MRPL27: variants seen among roughly 807,000 people sequenced by gnomAD.
MRPL27 encodes large ribosomal subunit protein bL27m.
MRPL27 carries 4 observed loss-of-function variants against 14.6 expected under a neutral mutation model. The ratio of observed to expected loss-of-function variants is 0.27; its 90% confidence interval spans 0.14 to 0.63. MRPL27 has a LOEUF of 0.63. MRPL27 is among the 20% of genes least tolerant of loss of function. MRPL27 has a pLI of 0.85. For synonymous variants in MRPL27, 82 were observed against 75.5 expected (o/e 1.09, Z -0.45); for missense variants, 196 against 192.8 (o/e 1.02, Z -0.10).
chr17:50,370,024 C>T lies in MRPL27; in HGVS notation c.240+8G>A. On this transcript the variant is annotated splice_region_variant and intron_variant, in intron 3 of 3. Coordinates refer to ENST00000225969, the MANE Select transcript of MRPL27 (RefSeq NM_016504.3). The stretch of plus-strand genomic sequence containing the variant: ...AGGAAAAAGGGGGGCAGCAACGGAG[C>T]AACTCACATGGGCACCTGGGTGCCA... The T allele has an allele frequency of 3.7e-6, 6 of 1,613,886 alleles. No individual in the cohort carries two copies. The highest frequency in any genetic ancestry group is 5.1e-6 in the Non-Finnish European group (6 of 1,179,902).
Position 50,368,228 on chromosome 17 carries a change from T to C in MRPL27, c.311A>G (p.Tyr104Cys), listed in dbSNP as rs368243211. The change falls in exon 4 of 4, where the codon TAC (tyrosine) becomes TGC (cysteine). Residue 104 changes from tyrosine (Y) to cysteine (C), a missense_variant. By Grantham distance (194) the Tyr-to-Cys change is radical. Transcript: ENST00000225969. ...EGIVRYTKEV[Y>C]VPHPRNTEAV... Reference sequence around the variant, plus strand: ...CTCCGTGTTTCTGGGATGAGGCACGTAGACCTCCTTAGTGTAGCGGACTAT... The same window carrying C: ...CTCCGTGTTTCTGGGATGAGGCACGCAGACCTCCTTAGTGTAGCGGACTAT... The C allele has an allele frequency of 8.1e-6, 13 of 1,614,226 alleles. No individual in the cohort carries two copies. The highest frequency in any genetic ancestry group is 5.3e-5 in the African/African-American group (4 of 75,056).
At chr17:50,370,790 T>A in intron 1 of MRPL27, 3 of 576,174 alleles carry the variant, frequency 5.2e-6, no homozygotes, top group Admixed American at 3.1e-5. Context: ...GGGGGAGCAG[T>A]GAAACACAAA....
At chr17:50,372,295 G>C (rs1485678631) in intron 1 of MRPL27, among the ~76,000 whole-genome samples, 2 of 151,744 alleles carry the variant, frequency 1.3e-5, no homozygotes, top group East Asian at 1.9e-4. Flanking sequence ...ACCCAGGCTG[G>C]AGTGCAGTGG....
chr17:50,368,371 T>G (rs1051875397), intron 3 of MRPL27, 73 bp from the exon 4 acceptor site: 1 of 1,486,606 alleles, frequency 6.7e-7, no homozygotes, highest in Non-Finnish European at 9.2e-7. Flanking sequence ...TGGGACAGAC[T>G]TCTCACACAG....
chr17:50,368,096 A>T lies in MRPL27; in HGVS notation c.443T>A (p.Leu148His), dbSNP rs910411027. Residue 148 changes from leucine (L) to histidine (H), a missense_variant, in exon 4 of 4, where the codon CTT becomes CAT. Transcript: ENST00000225969. ...PEGTFKLVAM[L>H] is the part of the protein sequence containing the mutation. ...TCCGATGGCCTCAACAGGACATCAAAGCATAGCTACCAGTTTGAAGGTGCC... is the reference window on the plus strand; with the variant it reads ...TCCGATGGCCTCAACAGGACATCAATGCATAGCTACCAGTTTGAAGGTGCC... 6.2e-7 allele frequency: 1 copy of T among 1,614,066 alleles called. No individual in the cohort carries two copies. Among genetic ancestry groups the T allele is most frequent in the Non-Finnish European group, 8.5e-7 (1 of 1,180,020 alleles).
chr17:50,370,856 C>CCT, intron 1 of MRPL27: 1 of 382,798 alleles, frequency 2.6e-6, no homozygotes, highest in Non-Finnish European at 4.9e-6. Context: ...TCTAAATGTG[C>CCT]TGAGGAGAAA....
rs551005301 is a variant in MRPL27 at position 50,370,035 on chromosome 17, G to A, written c.237C>T (p.Ala79=). The change falls in exon 3 of 4, where the codon GCC becomes GCT. Residue 79 remains alanine, a synonymous_variant. Coordinates refer to ENST00000225969, the MANE Select transcript of MRPL27 (RefSeq NM_016504.3). ...GGGCAGCAACGGAGCAACTCACATG[G>A]GCACCTGGGTGCCAGCGGAAATGGC... is the stretch of plus-strand genomic sequence containing the variant. ...TQRHFRWHPG[A]HVGVGKNKCL... 7 of 1,613,788 alleles carry A rather than the reference G, an allele frequency of 4.3e-6. No individual in the cohort carries two copies. The East Asian group carries it at 1.6e-4, about 36-fold the overall frequency.
At position 50,373,171 on chromosome 17, in the gene MRPL27, G is replaced by T. The variant is rs148670613; in HGVS notation, c.-1C>A. 4.3e-6 allele frequency: 7 copies of T among 1,610,290 alleles called. No individual in the cohort carries two copies. Among genetic ancestry groups the T allele is most frequent in the Non-Finnish European group, 5.9e-6 (7 of 1,177,420 alleles). ...TCAGCGCCAACACCACCGACGCCATGCTTTCGATCACTCACTTCCGGTCTC... is the reference window on the plus strand; with the variant it reads ...TCAGCGCCAACACCACCGACGCCATTCTTTCGATCACTCACTTCCGGTCTC... On this transcript the variant is annotated 5_prime_UTR_variant, in exon 1 of 4. Transcript: ENST00000225969.
intron 3 of MRPL27, chr17:50,368,932 AT>A: frequency 2.9e-6 from 2 of 687,746 alleles, no homozygotes; most frequent in South Asian, 1.6e-5. Context: ...TTTTAACCAT[AT>A]TTTTTAGCTT....
chr17:50,368,668 T>G, intron 3 of MRPL27: 1 of 596,816 alleles, frequency 1.7e-6, no homozygotes, highest in Non-Finnish European at 3.0e-6. Flanking sequence ...ATTAAAACAC[T>G]AGTTTGATGT....
In MRPL27 at chr17:50,373,125, CA is replaced by C; in HGVS notation, c.40+5del. 6.2e-7 allele frequency: 1 copy of C among 1,614,162 alleles called. No homozygotes were observed. The highest frequency in any genetic ancestry group is 8.5e-7 in the Non-Finnish European group (1 of 1,180,036). ...TCACCCCGCTCTGACTACTGCGTCCCATTACCGGCTGTCCGGGTCCTCAGCG... is the reference window on the plus strand; with the variant it reads ...TCACCCCGCTCTGACTACTGCGTCCCTTACCGGCTGTCCGGGTCCTCAGCG... On this transcript the variant is annotated splice_donor_5th_base_variant and intron_variant, in intron 1 of 3. Coordinates refer to ENST00000225969, the MANE Select transcript of MRPL27 (RefSeq NM_016504.3).
intron 1 of MRPL27, among the ~76,000 whole-genome samples, chr17:50,372,275 C>A (rs1241415456): frequency 2.0e-5 from 3 of 151,858 alleles, no homozygotes; most frequent in African/African-American, 7.3e-5. Flanking sequence ...GGATAGGGCC[C>A]CATTCTGTCA....
chr17:50,370,925 G>A (rs971278504), intron 1 of MRPL27: 2 of 244,948 alleles, frequency 8.2e-6, no homozygotes, highest in African/African-American at 2.3e-5. Context: ...CCACGGAGGG[G>A]CCAGAACAGA....
intron 1 of MRPL27, 145 bp downstream of exon 1, chr17:50,372,986 A>T (rs1005971661): frequency 5.2e-6 from 6 of 1,144,928 alleles, no homozygotes; most frequent in Non-Finnish European, 7.5e-6. Context: ...GACCAGCGAC[A>T]CCGTCCCTCA....
intron 3 of MRPL27, 101 bp downstream of exon 3, chr17:50,369,931 T>G: frequency 7.8e-7 from 1 of 1,289,868 alleles, no homozygotes; most frequent in Non-Finnish European, 1.1e-6. Flanking sequence ...TGCTTGCCAT[T>G]TGGTAAGCAC....
chr17:50,373,133 G>T lies in MRPL27; in HGVS notation c.38C>A (p.Ala13Asp). ...SVVLALRTRT[A>D]VTSLLSPTPA... ...CTCTGACTACTGCGTCCCATTACCG[G>T]CTGTCCGGGTCCTCAGCGCCAACAC... The change falls in exon 1 of 4, where the codon GCC (alanine) becomes GAC (aspartate). Residue 13 changes from alanine (A) to aspartate (D), a missense_variant and splice_region_variant. Physicochemically the swap from Ala to Asp is moderately radical, Grantham distance 126 (BLOSUM62 -2). Coordinates refer to ENST00000225969, the MANE Select transcript of MRPL27 (RefSeq NM_016504.3). The T allele has an allele frequency of 6.2e-7, 1 of 1,614,090 alleles. No homozygotes were observed. The highest frequency in any genetic ancestry group is 8.5e-7 in the Non-Finnish European group (1 of 1,180,008).
rs1024694204 is a variant in MRPL27, at chr17:50,368,574, T to A, written c.241-276A>T. 1.3e-5 allele frequency: 8 copies of A among 594,156 alleles called. No homozygotes were observed. The East Asian group carries it at 1.9e-4, about 14-fold the overall frequency. 36.8% of individuals were successfully genotyped at this position (594,156 alleles called of 1,614,324 possible). On this transcript the variant is annotated intron_variant, in intron 3 of 3. Transcript: ENST00000225969. ...CCTGGAGCCATGTCTATGCAGCTGG[T>A]CAGAAGCCACACTGCACAAATCCCA...
rs115934226 is a variant in MRPL27 at position 50,370,344 on chromosome 17, A to G, written c.172+111T>C. On this transcript the variant is annotated intron_variant, in intron 2 of 3. Coordinates refer to ENST00000225969, the MANE Select transcript of MRPL27 (RefSeq NM_016504.3). ...TATCCGTTCCTTTAAACTGGAGCCA[A>G]TTATGATGGTAAGGAAGAACAGGGC... 5.7e-4 allele frequency: 878 copies of G among 1,543,622 alleles called. 3 individuals are homozygous for G. In the African/African-American group the frequency reaches 0.01, roughly 18 times the overall value.
At chr17:50,372,963 G>A (rs746257293) in intron 1 of MRPL27, 168 bp downstream of exon 1, 1 of 905,308 alleles carries the variant, frequency 1.1e-6, no homozygotes, top group Non-Finnish European at 1.7e-6. Flanking sequence ...GCTCCACCCA[G>A]GATGTGTCAC....
Sources: allele counts gnomAD v4.1 joint callset (sites outside exome capture counted in the v4.1 genomes callset), GRCh38; gene constraint gnomAD v4.1.1; transcripts MANE v1.5; gene names NCBI Gene and HGNC (gene_info 2026-07-23, HGNC 2026-07-21).